Variants in GRIK4 observed in about 807,000 individuals in gnomAD.
GRIK4 encodes glutamate ionotropic receptor kainate type subunit 4.
GRIK4 carries 40 observed loss-of-function variants against 104.9 expected under a neutral mutation model. The observed-to-expected ratio is 0.38, with a 90% CI of 0.30 to 0.50. The LOEUF is 0.50. Ranked by LOEUF, GRIK4 falls within the 20% of genes least tolerant of loss-of-function variation. The pLI is 0.93. For synonymous variants in GRIK4, 485 were observed against 524.9 expected, an observed-to-expected ratio of 0.92 and a Z score of 1.04; for missense variants, 1,047 against 1,308.1, an observed-to-expected ratio of 0.80 and a Z score of 3.08.
intron 3 of GRIK4, among the ~76,000 whole-genome samples, chr11:120,711,735 T>C (rs1037140020): frequency 1.3e-5 from 2 of 152,220 alleles, no homozygotes; most frequent in African/African-American, 4.8e-5. Flanking sequence ...AGAGGGAAGC[T>C]AATGTACCCT....
chr11:120,689,291 C>T (rs1950320942), intron 3 of GRIK4, among the ~76,000 whole-genome samples: 1 of 152,120 alleles, frequency 6.6e-6, no homozygotes, highest in Non-Finnish European at 1.5e-5. Context: ...CTACCTGCCT[C>T]CCATCCCTCA....
At chr11:120,738,936 TG>T (rs1247237494) in intron 3 of GRIK4, among the ~76,000 whole-genome samples, 1 of 152,232 alleles carries the variant, frequency 6.6e-6, no homozygotes, top group Non-Finnish European at 1.5e-5. Context: ...GAGCGGACTC[TG>T]GCTTGTCGGC....
intron 3 of GRIK4, among the ~76,000 whole-genome samples, chr11:120,792,678 G>T (rs1446091371): frequency 6.6e-6 from 1 of 152,162 alleles, no homozygotes; most frequent in African/African-American, 2.4e-5. Flanking sequence ...TTGGGTGAAG[G>T]CACGATGCCT....
intron 1 of GRIK4, among the ~76,000 whole-genome samples, chr11:120,572,167 C>G (rs1948408951): frequency 6.6e-6 from 1 of 152,174 alleles, no homozygotes; most frequent in Non-Finnish European, 1.5e-5. Context: ...AGAGCAAGTT[C>G]TGTGTCTCTT....
At chr11:120,613,197 G>GAACA (rs1949059964) in intron 1 of GRIK4, among the ~76,000 whole-genome samples, 4 of 152,324 alleles carry the variant, frequency 2.6e-5, no homozygotes, top group Admixed American at 1.3e-4. Context: ...CTGCTGCTTA[G>GAACA]CTGATTGGCC....
At chr11:120,757,952 T>G (rs1008709551) in intron 3 of GRIK4, among the ~76,000 whole-genome samples, 16 of 152,216 alleles carry the variant, frequency 1.1e-4, no homozygotes, top group African/African-American at 3.4e-4. Flanking sequence ...ATGGGATTGA[T>G]GATGTAGAGA....
intron 3 of GRIK4, among the ~76,000 whole-genome samples, chr11:120,692,616 C>A (rs1031481205): frequency 6.6e-6 from 1 of 152,082 alleles, no homozygotes; most frequent in Non-Finnish European, 1.5e-5. Flanking sequence ...AAGGTTGCTC[C>A]GGAGGAGAGT....
rs1943700840 is a variant in GRIK4 at position 120,940,586 on chromosome 11, G to A, written c.1590+126G>A. 1.6e-6 allele frequency: 1 copy of A among 641,986 alleles called. No homozygotes were observed. The highest frequency in any genetic ancestry group is 2.7e-6 in the Non-Finnish European group (1 of 374,508). The allele number at this position is 641,986 out of a possible 1,614,324, so 39.8% of individuals were successfully genotyped here. ...TTCAAGACTTAAATGCAAATGTGCT[G>A]GGCTATTTTTTCTCCTATCATCTGC... On this transcript the variant is annotated intron_variant, in intron 14 of 20. Transcript: ENST00000527524. The surrounding 1 kb of genome is among the most constrained non-coding windows in gnomAD (Gnocchi z 4.3).
intron 3 of GRIK4, among the ~76,000 whole-genome samples, chr11:120,667,913 CTCTA>C (rs1404326396): frequency 6.6e-6 from 1 of 152,206 alleles, no homozygotes; most frequent in African/African-American, 2.4e-5. Flanking sequence ...GGAATTGAGA[CTCTA>C]TCTATCTGAG....
rs545796567 is a variant in GRIK4 at position 120,909,304 on chromosome 11, A to G, written c.1476+3811A>G. ...ATGAGCTTTGGCCCCAGGAGTGATTATCTTAGGGACACCAGGCTGTCTCTC... is the reference window on the plus strand; with the variant it reads ...ATGAGCTTTGGCCCCAGGAGTGATTGTCTTAGGGACACCAGGCTGTCTCTC... On this transcript the variant is annotated intron_variant, in intron 13 of 20. Coordinates refer to ENST00000527524, the MANE Select transcript of GRIK4 (RefSeq NM_014619.5). Among the ~76,000 whole-genome samples, 13 of 152,382 alleles carry G rather than the reference A, an allele frequency of 8.5e-5. No individual in the cohort carries two copies. In the South Asian group the frequency reaches 2.7e-3, roughly 32 times the overall value.
chr11:120,683,700 G>A (rs528713853), intron 3 of GRIK4, among the ~76,000 whole-genome samples: 2 of 152,286 alleles, frequency 1.3e-5, no homozygotes, highest in Admixed American at 1.3e-4. Flanking sequence ...AATGCATAAT[G>A]AACTGCAGGA....
At chr11:120,935,966 T>G (rs2134626803) in intron 13 of GRIK4, 1 of 184,698 alleles carries the variant, frequency 5.4e-6, no homozygotes, top group African/African-American at 2.4e-5. Context: ...AAGGAATGGG[T>G]TGTGTATGGG....
intron 3 of GRIK4, among the ~76,000 whole-genome samples, chr11:120,673,466 G>A (rs929043321): frequency 3.9e-5 from 6 of 152,166 alleles, no homozygotes; most frequent in Admixed American, 3.3e-4. Context: ...CAAACCCCAG[G>A]TCCTGAGGCA....
intron 11 of GRIK4, among the ~76,000 whole-genome samples, chr11:120,884,313 C>A (rs949057): frequency 1 from 151,973 of 152,388 alleles, 75,781 homozygotes; most frequent in Middle Eastern, 1. Context: ...GTCATCTCAC[C>A]CAGAGATGAC....
chr11:120,613,751 G>A (rs2135151871), intron 1 of GRIK4, among the ~76,000 whole-genome samples: 2 of 152,300 alleles, frequency 1.3e-5, no homozygotes, highest in Middle Eastern at 6.8e-3. Context: ...AGCTCTGCAG[G>A]AGCGTCTGTG....
chr11:120,665,473 GT>G (rs1394515683), intron 3 of GRIK4, among the ~76,000 whole-genome samples: 1 of 152,160 alleles, frequency 6.6e-6, no homozygotes, highest in Non-Finnish European at 1.5e-5. Flanking sequence ...CTCTCCCCTG[GT>G]AAGCACCTTA....
intron 3 of GRIK4, among the ~76,000 whole-genome samples, chr11:120,781,237 A>G (rs1340567343): frequency 6.6e-6 from 1 of 151,910 alleles, no homozygotes; most frequent in East Asian, 1.9e-4. Flanking sequence ...TGAAAAGAAG[A>G]CACAGTATTA....
chr11:120,535,636 C>T (rs1244233716), intron 1 of GRIK4, among the ~76,000 whole-genome samples: 1 of 152,120 alleles, frequency 6.6e-6, no homozygotes, highest in South Asian at 2.1e-4. Flanking sequence ...GGTTCTACAT[C>T]CCCCACCTCA....
intron 11 of GRIK4, among the ~76,000 whole-genome samples, chr11:120,893,914 CT>C (rs1381853169): frequency 1.3e-5 from 2 of 152,284 alleles, no homozygotes; most frequent in Admixed American, 6.5e-5. Context: ...CTGAGTTGGT[CT>C]TTTTGCTCGG....
Sources: gnomAD v4.1 joint callset for allele counts (sites outside exome capture counted in the v4.1 genomes callset) on GRCh38, gnomAD v4.1.1 for gene constraint, Gnocchi (gnomAD v3.1) non-coding constraint, MANE v1.5 for transcripts, NCBI Gene and HGNC (gene_info 2026-07-23, HGNC 2026-07-21) for gene names.